Variants in PRKAR1A observed in about 807,000 individuals in gnomAD.
PRKAR1A encodes the protein cAMP-dependent protein kinase type I-alpha regulatory subunit.
A neutral mutation model predicts 52.0 loss-of-function variants in PRKAR1A; 3 were observed. The ratio of observed to expected loss-of-function variants is 0.06; its 90% CI spans 0.03 to 0.15. PRKAR1A has a LOEUF of 0.15. Among genes scored for constraint, PRKAR1A ranks in the 10% least tolerant of loss-of-function variants. The pLI is 1.00. For missense variants in PRKAR1A, 240 were observed against 477.4 expected, an observed-to-expected ratio of 0.50 and a Z score of 4.63; for synonymous variants, 188 against 168.4, an observed-to-expected ratio of 1.12 and a Z score of -0.90.
chr17:68,500,671 G>A, the PRKAR1A span, among the ~76,000 whole-genome samples: 5 of 151,932 alleles, frequency 3.3e-5, no homozygotes, highest in Admixed American at 6.6e-5. Context: ...CCACCACCAC[G>A]CCCGGCTAAT....
rs191087449 is a variant in PRKAR1A, at chr17:68,526,919, A to G, written c.709-921A>G. 1.1e-3 allele frequency among the ~76,000 whole-genome samples: 169 copies of G among 152,272 alleles called. 1 individual carries two copies. The highest frequency in any genetic ancestry group is 3.8e-3 in the African/African-American group (158 of 41,556). On this transcript the variant is annotated intron_variant, in intron 7 of 10. Coordinates refer to ENST00000589228, the MANE Select transcript of PRKAR1A (RefSeq NM_002734.5). ...ACATGTACCCCTGAACCTTAAACCC[A>G]CACACACAAAAAAACGCTTATGGCA...
chr17:68,546,105 G>C (rs745841710), intron 11 of PRKAR1A, among the ~76,000 whole-genome samples: 7 of 146,798 alleles, frequency 4.8e-5, no homozygotes, highest in Admixed American at 3.4e-4. Flanking sequence ...GGAGGCAGAG[G>C]TTGCAGTGAG....
At chr17:68,466,448 G>C in the PRKAR1A span, among the ~76,000 whole-genome samples, 24 of 118,320 alleles carry the variant, frequency 2.0e-4, no homozygotes, top group South Asian at 2.7e-3. Context: ...GTCTCACTCT[G>C]TCACCCAGGC....
At chr17:68,465,625 A>ATTTTTTTTTTTTTTTTTTTTTTTT in the PRKAR1A span, among the ~76,000 whole-genome samples, 3 of 67,186 alleles carry the variant, frequency 4.5e-5, 1 homozygote, top group Non-Finnish European at 8.3e-5. Flanking sequence ...ACGCCCAGCA[A>ATTTTTTTTTTTTTTTTTTTTTTTT]TTTTTTTTTT....
At chr17:68,450,171 A>C in the PRKAR1A span, among the ~76,000 whole-genome samples, 3 of 151,958 alleles carry the variant, frequency 2.0e-5, no homozygotes, top group African/African-American at 7.3e-5. Flanking sequence ...TACAAAAAAA[A>C]CAAAAAGTCT....
chr17:68,447,523 G>A, the PRKAR1A span, among the ~76,000 whole-genome samples: 4 of 151,742 alleles, frequency 2.6e-5, no homozygotes, highest in African/African-American at 9.7e-5. Context: ...CTAGGCCTAC[G>A]GGCAAGTGCC....
the PRKAR1A span, among the ~76,000 whole-genome samples, chr17:68,496,686 G>C: frequency 1.3e-5 from 2 of 152,062 alleles, no homozygotes; most frequent in Non-Finnish European, 2.9e-5. Context: ...CTCGAATGTA[G>C]AACAGAAGTC....
chr17:68,536,969 G>T (rs2086113757), downstream of PRKAR1A: 1 of 454,328 alleles, frequency 2.2e-6, no homozygotes, highest in African/African-American at 2.0e-5. Flanking sequence ...TGAGTAGAAA[G>T]TGTGAGGTCT....
downstream of PRKAR1A, chr17:68,535,167 C>G (rs543433987): frequency 2.4e-6 from 1 of 414,072 alleles, no homozygotes; most frequent in East Asian, 7.1e-5. Context: ...TCAAAATGAA[C>G]ATGCTGGAAG....
the PRKAR1A span, among the ~76,000 whole-genome samples, chr17:68,478,737 T>G: frequency 6.6e-6 from 1 of 151,904 alleles, no homozygotes; most frequent in Non-Finnish European, 1.5e-5. Context: ...AGTTTTGTTT[T>G]TTTTTTTTGA....
At chr17:68,543,535 G>A in intron 11 of PRKAR1A, 1 of 1,083,980 alleles carries the variant, frequency 9.2e-7, no homozygotes, top group Non-Finnish European at 1.4e-6. Flanking sequence ...AGGAAGAAAT[G>A]CCAGGGAGTT....
chr17:68,428,772 GACAACTCTAC>G, the PRKAR1A span: 25 of 1,376,252 alleles, frequency 1.8e-5, no homozygotes, highest in Non-Finnish European at 2.5e-5. Flanking sequence ...TTGGCGAAGG[GACAACTCTAC>G]ACGACCAGCT....
intron 2 of PRKAR1A, among the ~76,000 whole-genome samples, chr17:68,518,219 TGGA>T (rs1321034280): frequency 6.6e-6 from 1 of 152,222 alleles, no homozygotes; most frequent in Non-Finnish European, 1.5e-5. Context: ...TTCTGGAGTC[TGGA>T]GGATAGTGGC....
chr17:68,417,312 C>A, the PRKAR1A span, among the ~76,000 whole-genome samples: 1 of 152,078 alleles, frequency 6.6e-6, no homozygotes, highest in African/African-American at 2.4e-5. Context: ...GAGGGCAGGC[C>A]TTGTTAAGAA....
At chr17:68,431,374 A>C in the PRKAR1A span, among the ~76,000 whole-genome samples, 1 of 151,812 alleles carries the variant, frequency 6.6e-6, no homozygotes, top group East Asian at 1.9e-4. Context: ...CTGAGCATGG[A>C]GCCCGGCACG....
chr17:68,502,735 A>G, the PRKAR1A span, among the ~76,000 whole-genome samples: 1 of 148,734 alleles, frequency 6.7e-6, no homozygotes, highest in Non-Finnish European at 1.5e-5. Context: ...CTGGGCAACA[A>G]GAGCGAAACT....
the PRKAR1A span, chr17:68,457,354 T>A: frequency 6.5e-7 from 1 of 1,544,398 alleles, no homozygotes; most frequent in Admixed American, 2.0e-5. Flanking sequence ...GCAGTCCTGG[T>A]TGAAAGAGAA....
the PRKAR1A span, among the ~76,000 whole-genome samples, chr17:68,416,997 G>A: frequency 1.3e-5 from 2 of 152,130 alleles, no homozygotes; most frequent in African/African-American, 4.8e-5. Flanking sequence ...TCTTGGTTTG[G>A]ATCCATTGCT....
At chr17:68,484,162 GTAAT>G in the PRKAR1A span, among the ~76,000 whole-genome samples, 1 of 152,154 alleles carries the variant, frequency 6.6e-6, no homozygotes, top group Non-Finnish European at 1.5e-5. Flanking sequence ...AAACTATAGA[GTAAT>G]ATGGGGGAGA....
Sources: gnomAD v4.1 joint callset for allele counts (sites outside exome capture counted in the v4.1 genomes callset) on GRCh38, gnomAD v4.1.1 for gene constraint, MANE v1.5 for transcripts, NCBI Gene and HGNC (gene_info 2026-07-23, HGNC 2026-07-21) for gene names.